Variants in COL6A5 observed in about 807,000 individuals in gnomAD.
COL6A5 encodes the protein collagen alpha-5(VI) chain.
In COL6A5, 48 loss-of-function variants were observed where a neutral mutation model predicts 65.6. The ratio of observed to expected loss-of-function variants is 0.73; its 90% confidence interval spans 0.58 to 0.93. The LOEUF is 0.93. COL6A5 is among the 40% of genes least tolerant of loss of function. COL6A5 has a pLI of 0.00. For synonymous variants in COL6A5, 291 were observed against 322.8 expected (o/e 0.90, Z 1.05); for missense variants, 914 against 928.3 (o/e 0.98, Z 0.20).
intron 1 of COL6A5, among the ~76,000 whole-genome samples, chr3:130,364,109 G>T (rs141575894): frequency 6.6e-6 from 1 of 152,164 alleles, no homozygotes; most frequent in Non-Finnish European, 1.5e-5. Flanking sequence ...ATTAATCGTT[G>T]CACTGGGACC....
intron 23 of COL6A5, 78 bp from the exon 24 acceptor site, chr3:130,416,679 A>T (rs1937346954): frequency 4.8e-6 from 4 of 829,844 alleles, no homozygotes; most frequent in Non-Finnish European, 7.8e-6. Context: ...AATAGCATGA[A>T]GGAAAGTGAA....
rs1284737683 is a variant in COL6A5 at position 130,403,586 on chromosome 3, T to A, written c.4228-23T>A. The A allele has an allele frequency of 1.0e-5, 16 of 1,547,722 alleles. No individual in the cohort carries two copies. In the Admixed American group the frequency reaches 3.1e-4, roughly 30 times the overall value. ...TTATTGGGGGGGGGTGACTAAAATG[T>A]ATTGTTCTCTCTTTCTTCCCAGGGT... On this transcript the variant is annotated intron_variant and NMD_transcript_variant, in intron 12 of 41. Transcript: ENST00000312481.
chr3:130,456,930 A>G (rs1224983570), intron 5 of COL6A5, among the ~76,000 whole-genome samples: 1 of 152,152 alleles, frequency 6.6e-6, no homozygotes, highest in African/African-American at 2.4e-5. Flanking sequence ...TGTAGAAGCT[A>G]CAATTAAGGA....
At chr3:130,357,970 A>G (rs925704460) in intron 1 of COL6A5, among the ~76,000 whole-genome samples, 15 of 152,044 alleles carry the variant, frequency 9.9e-5, no homozygotes, top group African/African-American at 3.6e-4. Context: ...CGGGCGGATC[A>G]CGAGGTCAGG....
intron 1 of COL6A5, among the ~76,000 whole-genome samples, chr3:130,438,771 G>A (rs1007377865): frequency 2.0e-5 from 3 of 152,074 alleles, no homozygotes; most frequent in African/African-American, 4.8e-5. Flanking sequence ...CATAATAAAA[G>A]TATCTGTTTT....
At chr3:130,470,562 A>G (rs2107615846) in intron 6 of COL6A5, among the ~76,000 whole-genome samples, 1 of 152,182 alleles carries the variant, frequency 6.6e-6, no homozygotes, top group African/African-American at 2.4e-5. Context: ...TTTTTAAAAA[A>G]TAGTCTTCTA....
rs899218074 is a variant in COL6A5, at chr3:130,475,291, T to TA, written c.2328+4334dup. ...ATATAAATGTACAGATTTTAAAAGC[T>TA]AAAAAAAAAATTCAGACACATCATA... On this transcript the variant is annotated intron_variant, in intron 7 of 7. Transcript: ENST00000512836. Among the ~76,000 whole-genome samples the TA allele has an allele frequency of 1.2e-3, 182 of 146,824 alleles. 1 individual carries two copies. The highest frequency in any genetic ancestry group is 3.9e-3 in the African/African-American group (157 of 40,026).
intron 5 of COL6A5, among the ~76,000 whole-genome samples, chr3:130,457,538 A>G (rs1709599545): frequency 1.3e-5 from 2 of 152,152 alleles, no homozygotes; most frequent in African/African-American, 2.4e-5. Context: ...TCTAGCAGGG[A>G]AAAAAATGTA....
chr3:130,371,520 C>T (rs1022713437), intron 1 of COL6A5, among the ~76,000 whole-genome samples: 3 of 152,116 alleles, frequency 2.0e-5, no homozygotes, highest in Admixed American at 6.5e-5. Flanking sequence ...ATAAACCCAT[C>T]CACTCATAGT....
At chr3:130,415,275 C>CA (rs746975458) in intron 22 of COL6A5, among the ~76,000 whole-genome samples, 28 of 152,162 alleles carry the variant, frequency 1.8e-4, no homozygotes, top group Non-Finnish European at 3.7e-4. Flanking sequence ...AACAACTTTA[C>CA]TCTCTACTTT....
Position 130,454,543 on chromosome 3 carries a change from G to A in COL6A5, c.1333-912G>A, listed in dbSNP as rs540471046. Among the ~76,000 whole-genome samples, 18 of 152,052 alleles carry A rather than the reference G, an allele frequency of 1.2e-4. No individual in the cohort carries two copies. The East Asian group carries it at 2.7e-3, about 23-fold the overall frequency. On this transcript the variant is annotated intron_variant, in intron 4 of 7. Coordinates refer to ENST00000512836, the Ensembl canonical transcript of COL6A5. ...CAGTATCAAATGCAAATGCAAACAC[G>A]GACATTGAAATTACATAAAATTGCA... is the stretch of plus-strand genomic sequence containing the variant.
At chr3:130,431,092 T>C (rs72984312), upstream of COL6A5, among the ~76,000 whole-genome samples, 2,184 of 152,282 alleles carry the variant, frequency 0.014, 54 homozygotes, top group African/African-American at 0.05. Flanking sequence ...CAGTAAAATT[T>C]ATTTCTCTTT....
intron 5 of COL6A5, 126 bp downstream of exon 37, chr3:130,455,792 T>G: frequency 1.5e-6 from 1 of 678,458 alleles, no homozygotes; most frequent in Non-Finnish European, 2.5e-6. Context: ...TTCATTATGG[T>G]AGATACAACT....
At chr3:130,368,298 C>T (rs570770813) in intron 1 of COL6A5, among the ~76,000 whole-genome samples, 2 of 152,292 alleles carry the variant, frequency 1.3e-5, no homozygotes, top group East Asian at 3.9e-4. Context: ...TGGCCTTTTG[C>T]TTCTAGAAAT....
chr3:130,435,289 A>G (rs1390634259), intron 1 of COL6A5, among the ~76,000 whole-genome samples: 3 of 152,108 alleles, frequency 2.0e-5, no homozygotes, highest in Non-Finnish European at 2.9e-5. Flanking sequence ...ATTCTGCTCC[A>G]TTGAGCTATA....
exon 25 of COL6A5, chr3:130,418,907 G>C: frequency 1.3e-6 from 2 of 1,550,754 alleles, no homozygotes. Context: ...GGCCAGTGGG[G>C]CAAACTGGGC....
At chr3:130,445,352 A>G (rs1709281171) in intron 4 of COL6A5, among the ~76,000 whole-genome samples, 1 of 152,212 alleles carries the variant, frequency 6.6e-6, no homozygotes, top group Non-Finnish European at 1.5e-5. Context: ...CTTTTCCTGG[A>G]GTCAAAATGG....
At chr3:130,379,517 C>A (rs1021341499) in exon 4 of COL6A5, 3 of 1,551,398 alleles carry the variant, frequency 1.9e-6, no homozygotes, top group African/African-American at 1.4e-5. Flanking sequence ...CATCTTCAGA[C>A]CTTCCTTGAG....
intron 25 of COL6A5, among the ~76,000 whole-genome samples, chr3:130,419,316 A>T (rs1427824062): frequency 6.6e-6 from 1 of 152,166 alleles, no homozygotes. Flanking sequence ...GAAATGGGGC[A>T]TCACATTTTT....
Sources: allele counts gnomAD v4.1 joint callset (sites outside exome capture counted in the v4.1 genomes callset), GRCh38; gene constraint gnomAD v4.1.1; transcripts MANE v1.5; gene names NCBI Gene and HGNC (gene_info 2026-07-23, HGNC 2026-07-21).